Variants in RAD52 observed in about 807,000 individuals in gnomAD.
The protein encoded by RAD52 is DNA repair protein RAD52 homolog.
Under a neutral mutation model 55.5 loss-of-function variants are expected in RAD52, and 47 were observed. The ratio of observed to expected loss-of-function variants is 0.85; its 90% CI spans 0.67 to 1.08. RAD52 has a LOEUF of 1.08. RAD52 is among the 50% of genes least tolerant of loss of function. RAD52 has a pLI of 0.00. For synonymous variants in RAD52, 184 were observed against 198.9 expected (o/e 0.92, Z 0.63); for missense variants, 468 against 522.8 (o/e 0.90, Z 1.02).
intron 1 of RAD52, among the ~76,000 whole-genome samples, chr12:970,841 T>TCAATAACCCTTCTCAC (rs1292367213): frequency 1.4e-4 from 21 of 151,992 alleles, no homozygotes; most frequent in Non-Finnish European, 2.6e-4. Context: ...ACTCTTCTCA[T>TCAATAACCCTTCTCAC]CAATAACCAA....
chr12:926,873 C>T, intron 6 of RAD52: 1 of 1,536,658 alleles, frequency 6.5e-7, no homozygotes, highest in South Asian at 1.2e-5. Context: ...GTGGGAAGGC[C>T]TCCGGCACAC....
chr12:939,507 T>A (rs942018582), intron 1 of RAD52, among the ~76,000 whole-genome samples: 11 of 152,172 alleles, frequency 7.2e-5, no homozygotes, highest in African/African-American at 2.2e-4. Flanking sequence ...CAGGAAAGAC[T>A]ACCTGCATAG....
chr12:955,228 T>TA (rs1486452091), intron 1 of RAD52, among the ~76,000 whole-genome samples: 3 of 152,216 alleles, frequency 2.0e-5, no homozygotes, highest in African/African-American at 7.2e-5. Context: ...TACAAAATCC[T>TA]ATGTATGATG....
chr12:918,578 T>C (rs1956535988), intron 7 of RAD52, among the ~76,000 whole-genome samples: 1 of 152,040 alleles, frequency 6.6e-6, no homozygotes, highest in South Asian at 2.1e-4. Context: ...ATTTTTATTT[T>C]TATTTTTATT....
intron 6 of RAD52, 102 bp downstream of exon 6, chr12:927,043 T>A (rs1043206327): frequency 1.3e-6 from 2 of 1,522,552 alleles, no homozygotes; most frequent in Non-Finnish European, 1.8e-6. Flanking sequence ...CTGCTTGGAT[T>A]TTTGAACCAT....
chr12:933,027 C>T lies in RAD52; in HGVS notation c.32G>A (p.Gly11Glu). 1.2e-6 allele frequency: 2 copies of T among 1,614,008 alleles called. No individual in the cohort carries two copies. The highest frequency in any genetic ancestry group is 1.7e-6 in the Non-Finnish European group (2 of 1,180,020). Residue 11 changes from glycine to glutamate, a missense_variant, in exon 2 of 12, where the codon GGA (glycine) becomes GAA (glutamate). By Grantham distance (98) the Gly-to-Glu change is moderately conservative. Coordinates refer to ENST00000358495, the MANE Select transcript of RAD52 (RefSeq NM_134424.4). MSGTEEAILG[G>E]RDSHPAAGGG... The stretch of plus-strand genomic sequence containing the variant: ...GCCAGCAGCAGGATGGCTGTCACGT[C>T]CTCCAAGAATTGCTTCCTCAGTCCC...
intron 1 of RAD52, among the ~76,000 whole-genome samples, chr12:944,760 A>G (rs1408107363): frequency 1.8e-5 from 1 of 54,610 alleles, no homozygotes; most frequent in Non-Finnish European, 3.6e-5. Flanking sequence ...ACCTAAAAGC[A>G]TTTTTCTTTC....
At chr12:926,854 G>A (rs1388101862) in intron 6 of RAD52, 42 of 1,536,580 alleles carry the variant, frequency 2.7e-5, no homozygotes, top group Non-Finnish European at 2.8e-5. Context: ...CTGTGCACTC[G>A]CAGTAGGAGT....
chr12:955,571 T>A (rs1958593941), intron 1 of RAD52, among the ~76,000 whole-genome samples: 1 of 151,772 alleles, frequency 6.6e-6, no homozygotes, highest in African/African-American at 2.4e-5. Context: ...CCTCCCAGGT[T>A]CAAGCAGTTC....
chr12:931,841 C>T lies in RAD52; in HGVS notation c.85-520G>A, dbSNP rs536322042. ...TCCATTTGTCCTTTCCAGAGATTGA[C>T]GCCTTCTCCAATACAACAATTTCCC... On this transcript the variant is annotated intron_variant, in intron 2 of 11. Coordinates refer to ENST00000358495, the MANE Select transcript of RAD52 (RefSeq NM_134424.4). Among the ~76,000 whole-genome samples the T allele has an allele frequency of 4.6e-5, 7 of 152,284 alleles. No homozygotes were observed. In the South Asian group the frequency reaches 1.0e-3, roughly 23 times the overall value.
At chr12:935,884 A>T (rs1957595670) in intron 1 of RAD52, among the ~76,000 whole-genome samples, 1 of 149,806 alleles carries the variant, frequency 6.7e-6, no homozygotes, top group Non-Finnish European at 1.5e-5. Flanking sequence ...AAATAAATAA[A>T]TAAATAAATA....
intron 1 of RAD52, among the ~76,000 whole-genome samples, chr12:970,037 G>A (rs1263391422): frequency 6.8e-6 from 1 of 147,570 alleles, no homozygotes; most frequent in Non-Finnish European, 1.5e-5. Context: ...GGCTGGGCGC[G>A]GTGACTCATG....
intron 2 of RAD52, among the ~76,000 whole-genome samples, chr12:931,853 TACA>T (rs1306726591): frequency 3.3e-5 from 5 of 152,206 alleles, no homozygotes; most frequent in African/African-American, 9.6e-5. Context: ...CCTTCTCCAA[TACA>T]ACAATTTCCC....
chr12:936,167 A>C (rs1447890322), intron 1 of RAD52, among the ~76,000 whole-genome samples: 1 of 151,118 alleles, frequency 6.6e-6, no homozygotes, highest in Non-Finnish European at 1.5e-5. Context: ...AGCCAGATGC[A>C]GTGGCGCGTG....
intron 1 of RAD52, among the ~76,000 whole-genome samples, chr12:965,167 A>G (rs1958742187): frequency 6.6e-6 from 1 of 151,736 alleles, no homozygotes; most frequent in Non-Finnish European, 1.5e-5. Flanking sequence ...TTTAGTAGAG[A>G]TGGGGTTTCT....
chr12:952,487 C>G (rs891388423), upstream of RAD52, among the ~76,000 whole-genome samples: 1 of 152,068 alleles, frequency 6.6e-6, no homozygotes, highest in African/African-American at 2.4e-5. Context: ...AAATTATAAC[C>G]TCCAGTACTT....
chr12:915,891 A>G (rs1397178611), intron 9 of RAD52, among the ~76,000 whole-genome samples: 2 of 151,972 alleles, frequency 1.3e-5, no homozygotes, highest in Non-Finnish European at 2.9e-5. Flanking sequence ...ATTTTTATGT[A>G]TTTTTAATAG....
At chr12:923,060 G>A (rs2154111810) in intron 7 of RAD52, among the ~76,000 whole-genome samples, 1 of 152,050 alleles carries the variant, frequency 6.6e-6, no homozygotes, top group East Asian at 1.9e-4. Context: ...GTTTCACCAT[G>A]TTGGCCAGGG....
chr12:933,493 C>T (rs2154115162), intron 1 of RAD52, among the ~76,000 whole-genome samples: 1 of 151,808 alleles, frequency 6.6e-6, no homozygotes, highest in East Asian at 1.9e-4. Context: ...ATGCAATACC[C>T]TAAGAGTTAT....
Sources: allele counts gnomAD v4.1 joint callset (sites outside exome capture counted in the v4.1 genomes callset), GRCh38; gene constraint gnomAD v4.1.1; transcripts MANE v1.5; gene names NCBI Gene and HGNC (gene_info 2026-07-23, HGNC 2026-07-21).